The following PRKCZ variants were observed in gnomAD, a reference collection of about 807,000 sequenced individuals.
PRKCZ encodes the protein protein kinase C zeta type.
In PRKCZ, 33 loss-of-function variants were observed where a neutral mutation model predicts 79.5. That is an observed-to-expected ratio of 0.41 (90% CI 0.31 to 0.55). PRKCZ has a LOEUF of 0.55. Among genes scored for constraint, PRKCZ ranks in the 20% least tolerant of loss-of-function variants. PRKCZ has a pLI of 0.19. For synonymous variants in PRKCZ, 342 were observed against 320.9 expected (o/e 1.07, Z -0.70); for missense variants, 578 against 813.5 (o/e 0.71, Z 3.52).
rs1490571703 is a variant in PRKCZ, at chr1:2,127,175, C to T, written c.335-8087C>T. On this transcript the variant is annotated intron_variant, in intron 4 of 17. Coordinates refer to ENST00000378567, the MANE Select transcript of PRKCZ (RefSeq NM_002744.6). This position sits in a 1 kb window ranked among gnomAD's most constrained non-coding sequence, Gnocchi z 5.1. Reference sequence around the variant, plus strand: ...GCCAGTCCCCAAAACAGACCCTGCGCCCCGGGCAACCATCTGCTTCCCGCC... The same window carrying T: ...GCCAGTCCCCAAAACAGACCCTGCGTCCCGGGCAACCATCTGCTTCCCGCC... Among the ~76,000 whole-genome samples the T allele has an allele frequency of 1.3e-5, 2 of 152,238 alleles. No homozygotes were observed. The highest frequency in any genetic ancestry group is 1.9e-4 in the East Asian group (1 of 5,196).
At chr1:2,129,324 T>A (rs974134008) in intron 4 of PRKCZ, among the ~76,000 whole-genome samples, 9 of 152,112 alleles carry the variant, frequency 5.9e-5, no homozygotes, top group African/African-American at 1.2e-4. Context: ...GAGAAAAATA[T>A]CAGGCCAGTC....
In PRKCZ at chr1:2,091,718, C is replaced by T. The variant is rs1395693816; in HGVS notation, c.334+32127C>T. On this transcript the variant is annotated intron_variant, in intron 4 of 17. Transcript: ENST00000378567. ...ATTGAGTTCCTCGTTTCTGTGGTTG[C>T]GTTGTCCTGTGGGGTGGTTGACCTG... Among the ~76,000 whole-genome samples the T allele has an allele frequency of 2.6e-5, 4 of 152,202 alleles. No individual in the cohort carries two copies. The East Asian group carries it at 5.8e-4, about 22-fold the overall frequency.
At chr1:2,056,609 G>A (rs1388284214) in intron 3 of PRKCZ, 36 bp downstream of exon 3, 5 of 1,556,818 alleles carry the variant, frequency 3.2e-6, no homozygotes, top group Admixed American at 1.7e-5. Context: ...AGCTCTGGGG[G>A]GCTGTTCCTG....
At chr1:2,070,816 G>A (rs866777133) in intron 4 of PRKCZ, among the ~76,000 whole-genome samples, 1 of 151,898 alleles carries the variant, frequency 6.6e-6, no homozygotes, top group Non-Finnish European at 1.5e-5. Flanking sequence ...CGGGGGCCGG[G>A]GTGGGCCAGG....
At chr1:2,056,678 C>T in intron 3 of PRKCZ, 105 bp downstream of exon 3, 2 of 1,051,508 alleles carry the variant, frequency 1.9e-6, no homozygotes, top group Non-Finnish European at 2.7e-6. Context: ...CCTATGATGC[C>T]AGAGAATTTA....
intron 4 of PRKCZ, among the ~76,000 whole-genome samples, chr1:2,108,554 G>A (rs764649269): frequency 1.8e-4 from 28 of 152,248 alleles, no homozygotes; most frequent in Non-Finnish European, 2.1e-4. Flanking sequence ...GGCCATGTGC[G>A]TGACAGTGGA....
chr1:2,175,391 A>G (rs1334472016), intron 16 of PRKCZ, 78 bp downstream of exon 16: 2 of 1,078,382 alleles, frequency 1.9e-6, no homozygotes, highest in African/African-American at 2.4e-5. Context: ...CCCAACCCCA[A>G]CCCCAATATT....
In PRKCZ at chr1:2,165,885, T is replaced by C. The variant is rs892415646; in HGVS notation, c.975-3633T>C. Among the ~76,000 whole-genome samples, 1 of 152,046 alleles carries C rather than the reference T, an allele frequency of 6.6e-6. No individual in the cohort carries two copies. Among genetic ancestry groups the C allele is most frequent in the Non-Finnish European group, 1.5e-5 (1 of 67,948 alleles). ...GACAGGGCCCACCTCCTAGGAGGTT[T>C]TGTGAGCTTCCCTCAGCCCCCGGCC... On this transcript the variant is annotated intron_variant, in intron 10 of 17. Coordinates refer to ENST00000378567, the MANE Select transcript of PRKCZ (RefSeq NM_002744.6). This position sits in a 1 kb window ranked among gnomAD's most constrained non-coding sequence, Gnocchi z 4.1.
At chr1:2,077,140 C>T (rs771209588) in intron 4 of PRKCZ, among the ~76,000 whole-genome samples, 7 of 152,288 alleles carry the variant, frequency 4.6e-5, no homozygotes, top group Non-Finnish European at 7.4e-5. Context: ...GCACGTCTGA[C>T]GGGTGTGAGG....
At chr1:2,131,660 C>T (rs1553159037) in intron 4 of PRKCZ, among the ~76,000 whole-genome samples, 2 of 152,206 alleles carry the variant, frequency 1.3e-5, no homozygotes, top group African/African-American at 2.4e-5. Context: ...CCCCCGGCAG[C>T]CAGCCAGGGG....
chr1:2,071,311 G>T, intron 4 of PRKCZ: 1 of 462,390 alleles, frequency 2.2e-6, no homozygotes, highest in South Asian at 1.6e-5. Context: ...AGGGTCAAGT[G>T]GGAAGAGAGC....
intron 5 of PRKCZ, among the ~76,000 whole-genome samples, chr1:2,137,184 C>G (rs551731001): frequency 6.6e-6 from 1 of 152,254 alleles, no homozygotes; most frequent in Admixed American, 6.5e-5. Flanking sequence ...AATCTGATGT[C>G]CCAGGGTAGG....
Position 2,173,903 on chromosome 1 carries a change from G to C in PRKCZ, c.1292G>C (p.Ser431Thr), listed in dbSNP as rs1157842185. The change falls in exon 14 of 18, where the codon AGC (serine) becomes ACC (threonine). Residue 431 changes from serine to threonine, a missense_variant. Coordinates refer to ENST00000378567, the MANE Select transcript of PRKCZ (RefSeq NM_002744.6). The surrounding 1 kb of genome is among the most constrained non-coding windows in gnomAD (Gnocchi z 5.7). ...GCTGTGTGCTCTCCCCCAGGGTTCA[G>C]CGTGGACTGGTGGGCGCTGGGAGTC... ...EILRGEEYGF[S>T]VDWWALGVLM... 2 of 1,610,336 alleles carry C rather than the reference G, an allele frequency of 1.2e-6. No homozygotes were observed. The highest frequency in any genetic ancestry group is 8.5e-7 in the Non-Finnish European group (1 of 1,177,966).
chr1:2,184,841 T>G, intron 17 of PRKCZ, 81 bp from the exon 18 acceptor site: 1 of 1,424,166 alleles, frequency 7.0e-7, no homozygotes, highest in East Asian at 2.4e-5. Flanking sequence ...GGGGGAGGAT[T>G]CTTATGCGAA....
chr1:2,068,037 C>T (rs1661264356), intron 4 of PRKCZ, among the ~76,000 whole-genome samples: 2 of 152,226 alleles, frequency 1.3e-5, no homozygotes, highest in Non-Finnish European at 2.9e-5. Flanking sequence ...CCACGGGACT[C>T]TGGACGTGTG....
intron 10 of PRKCZ, among the ~76,000 whole-genome samples, chr1:2,159,366 C>G (rs925574294): frequency 6.6e-6 from 1 of 152,250 alleles, no homozygotes; most frequent in Non-Finnish European, 1.5e-5. Flanking sequence ...TGAGGACTTC[C>G]TCTTTGTGCG....
chr1:2,058,940 C>G (rs937127490), intron 3 of PRKCZ, among the ~76,000 whole-genome samples: 2 of 151,982 alleles, frequency 1.3e-5, no homozygotes, highest in African/African-American at 4.8e-5. Context: ...TTTAAAGTTT[C>G]AATACTTTTA....
intron 4 of PRKCZ, among the ~76,000 whole-genome samples, chr1:2,117,399 A>G (rs544107253): frequency 4.0e-5 from 6 of 151,566 alleles, no homozygotes; most frequent in Non-Finnish European, 7.4e-5. Flanking sequence ...GTTTATAGCA[A>G]TGTGTAAAGA....
chr1:2,057,124 C>T (rs1256694940), intron 3 of PRKCZ, among the ~76,000 whole-genome samples: 2 of 152,206 alleles, frequency 1.3e-5, no homozygotes, highest in Non-Finnish European at 2.9e-5. Flanking sequence ...GGGCCCGCGG[C>T]GCATGTGGAC....
Sources: gnomAD v4.1 joint callset for allele counts (sites outside exome capture counted in the v4.1 genomes callset) on GRCh38, gnomAD v4.1.1 for gene constraint, Gnocchi (gnomAD v3.1) non-coding constraint, MANE v1.5 for transcripts, NCBI Gene and HGNC (gene_info 2026-07-23, HGNC 2026-07-21) for gene names.